The following FHIP2A variants were observed in gnomAD, a reference collection of about 807,000 sequenced individuals.
The protein encoded by FHIP2A is family with sequence similarity 160 member B1.
A neutral mutation model predicts 93.5 loss-of-function variants in FHIP2A; 46 were observed. That is an observed-to-expected ratio of 0.49 (90% CI 0.39 to 0.63). The LOEUF is 0.63. Among genes scored for constraint, FHIP2A ranks in the 20% least tolerant of loss-of-function variants. FHIP2A has a pLI of 0.00. For synonymous variants in FHIP2A, 332 were observed against 326.5 expected, an observed-to-expected ratio of 1.02 and a Z score of -0.18; for missense variants, 769 against 909.7, an observed-to-expected ratio of 0.85 and a Z score of 1.99.
At chr10:114,850,082 T>C (rs917437359) in intron 13 of FHIP2A, among the ~76,000 whole-genome samples, 5 of 152,232 alleles carry the variant, frequency 3.3e-5, no homozygotes, top group Non-Finnish European at 7.3e-5. Context: ...ATATTCCTTT[T>C]TTGTTGAATA....
chr10:114,884,976 T>C (rs928452238), intron 16 of FHIP2A, among the ~76,000 whole-genome samples: 8 of 151,296 alleles, frequency 5.3e-5, no homozygotes, highest in East Asian at 1.9e-4. Context: ...AGGGTAAGAA[T>C]GCAATAAACA....
rs2083635860 is a variant in FHIP2A at position 114,836,172 on chromosome 10, G to C, written c.448G>C (p.Glu150Gln). 1 of 1,603,714 alleles carries C rather than the reference G, an allele frequency of 6.2e-7. No homozygotes were observed. Residue 150 changes from glutamate to glutamine, a missense_variant, in exon 5 of 17, where the codon GAA becomes CAA. Coordinates refer to ENST00000369248, the MANE Select transcript of FHIP2A (RefSeq NM_020940.4). ...AGTCCTAGCAACACCAACAGAAAATGAAGAGATTCAGTTTCTTTGCATTGT... is the reference window on the plus strand; with the variant it reads ...AGTCCTAGCAACACCAACAGAAAATCAAGAGATTCAGTTTCTTTGCATTGT... ...GEVLATPTEN[E>Q]EIQFLCIVCA...
chr10:114,847,884 TTACAGTCGCATGGCTAC>T (rs1330591464), intron 12 of FHIP2A, among the ~76,000 whole-genome samples: 1 of 151,986 alleles, frequency 6.6e-6, no homozygotes, highest in Non-Finnish European at 1.5e-5. Flanking sequence ...GTAGCTGGGA[TTACAGTCGCATGGCTAC>T]TACGACTTGA....
intron 14 of FHIP2A, among the ~76,000 whole-genome samples, chr10:114,857,339 C>CT (rs971095516): frequency 2.7e-5 from 2 of 73,074 alleles, no homozygotes; most frequent in African/African-American, 8.7e-5. Flanking sequence ...GAGACCGAGT[C>CT]TCGCTCTGTC....
chr10:114,835,525 T>C lies in FHIP2A; in HGVS notation c.295-12T>C, dbSNP rs1021472669. ...TTGTTTTCCTGTTGGCTTCCTTTTT[T>C]CCTATACCCAGTGTCCTCCGGGAAT... is the stretch of plus-strand genomic sequence containing the variant. On this transcript the variant is annotated splice_polypyrimidine_tract_variant and intron_variant, in intron 3 of 16. Transcript: ENST00000369248. 6 of 1,558,598 alleles carry C rather than the reference T, an allele frequency of 3.8e-6. No individual in the cohort carries two copies. In the African/African-American group the frequency reaches 8.2e-5, roughly 21 times the overall value.
chr10:114,881,617 G>C (rs2083917427), intron 16 of FHIP2A, among the ~76,000 whole-genome samples: 1 of 152,080 alleles, frequency 6.6e-6, no homozygotes, highest in Non-Finnish European at 1.5e-5. Context: ...TGGGATGTAA[G>C]GAACTTCAGA....
At chr10:114,836,438 G>A (rs117774609) in intron 5 of FHIP2A, among the ~76,000 whole-genome samples, 192 bp downstream of exon 5, 207 of 152,230 alleles carry the variant, frequency 1.4e-3, no homozygotes, top group Non-Finnish European at 2.3e-3. Context: ...GAATGCAGTT[G>A]AGCCAGATAT....
intron 16 of FHIP2A, among the ~76,000 whole-genome samples, chr10:114,897,145 T>C (rs1181847907): frequency 1.3e-5 from 2 of 152,266 alleles, no homozygotes; most frequent in Non-Finnish European, 2.9e-5. Context: ...CATAGCCTGT[T>C]CCTCTTCCAT....
intron 3 of FHIP2A, 116 bp downstream of exon 3, chr10:114,833,518 C>T: frequency 2.0e-6 from 2 of 1,022,822 alleles, no homozygotes; most frequent in Non-Finnish European, 2.9e-6. Flanking sequence ...TGGCAGGATT[C>T]AAGTTAAGAT....
chr10:114,860,869 C>T lies in FHIP2A; in HGVS notation c.2068C>T (p.Leu690Phe), dbSNP rs1198852781. The T allele has an allele frequency of 3.7e-6, 6 of 1,613,692 alleles. No homozygotes were observed. The highest frequency in any genetic ancestry group is 1.3e-5 in the African/African-American group (1 of 74,990). Residue 690 changes from leucine (L) to phenylalanine (F), a missense_variant, in exon 15 of 17, where the codon CTC becomes TTC. Transcript: ENST00000369248. Reference sequence around the variant, plus strand: ...GAACCTCGCTCCTGGCTGTAGATCTCTCTTCTCTGTAATTGTCAGGGTGAG... The same window carrying T: ...GAACCTCGCTCCTGGCTGTAGATCTTTCTTCTCTGTAATTGTCAGGGTGAG... Reference protein sequence around the residue: ...YVNLAPGCRSLFSVIVRVVGD... With the variant: ...YVNLAPGCRSFFSVIVRVVGD...
chr10:114,840,084 G>C (rs1029907548), intron 5 of FHIP2A, among the ~76,000 whole-genome samples: 1 of 151,698 alleles, frequency 6.6e-6, no homozygotes, highest in African/African-American at 2.4e-5. Context: ...AAGTCTTCCT[G>C]GAAGAGGTCA....
chr10:114,861,389 C>T (rs371713820), intron 16 of FHIP2A, 46 bp from the exon 17 acceptor site: 35 of 1,613,618 alleles, frequency 2.2e-5, no homozygotes, highest in Non-Finnish European at 2.6e-5. Flanking sequence ...ACTTAATGAT[C>T]GGCTGCTATC....
chr10:114,841,973 G>A (rs2083671448), intron 5 of FHIP2A, among the ~76,000 whole-genome samples: 1 of 152,112 alleles, frequency 6.6e-6, no homozygotes, highest in Admixed American at 6.6e-5. Context: ...GTGGATTGGG[G>A]GAGGGAGCAC....
intron 5 of FHIP2A, among the ~76,000 whole-genome samples, chr10:114,837,017 T>A (rs2083639991): frequency 6.6e-6 from 1 of 152,154 alleles, no homozygotes; most frequent in Non-Finnish European, 1.5e-5. Flanking sequence ...TCCTCTTACC[T>A]TAGCCTACCA....
Position 114,862,787 on chromosome 10 carries a change from C to G in FHIP2A, c.*1247C>G. 4 of 985,386 alleles carry G rather than the reference C, an allele frequency of 4.1e-6. No individual in the cohort carries two copies. Among genetic ancestry groups the G allele is most frequent in the Non-Finnish European group, 4.8e-6 (4 of 829,918 alleles). The allele number at this position is 985,386 out of a possible 1,614,324, so 61.0% of individuals were successfully genotyped here. A position where few individuals can be genotyped will look rare whatever the true frequency, so the allele number is the denominator to read the frequency against. Reference sequence around the variant, plus strand: ...TAAGCTATTGTTTGTTTTTATTTGACATGTTAAGCCGCAGCACTTTCTTCT... The same window carrying G: ...TAAGCTATTGTTTGTTTTTATTTGAGATGTTAAGCCGCAGCACTTTCTTCT... On this transcript the variant is annotated 3_prime_UTR_variant, in exon 17 of 17. Coordinates refer to ENST00000369248, the MANE Select transcript of FHIP2A (RefSeq NM_020940.4).
At chr10:114,858,133 T>C (rs1229705360) in intron 14 of FHIP2A, among the ~76,000 whole-genome samples, 1 of 152,216 alleles carries the variant, frequency 6.6e-6, no homozygotes, top group Non-Finnish European at 1.5e-5. Context: ...TTGCTTTCCT[T>C]TCAGGTAAAT....
chr10:114,843,177 A>G lies in FHIP2A; in HGVS notation c.767A>G (p.Asn256Ser). 6.2e-7 allele frequency: 1 copy of G among 1,614,062 alleles called. No individual in the cohort carries two copies. Among genetic ancestry groups the G allele is most frequent in the Non-Finnish European group, 8.5e-7 (1 of 1,179,978 alleles). ...CCAGAGGCCTCGGTTGTTTGTCCAA[A>G]TCAGGATTACAATTTAGTGAATTCT... is the stretch of plus-strand genomic sequence containing the variant. The part of the protein sequence containing the change: ...SLPEASVVCP[N>S]QDYNLVNSLL... Residue 256 changes from asparagine (N) to serine (S), a missense_variant, in exon 6 of 17, where the codon AAT becomes AGT. By Grantham distance (46) the Asn-to-Ser change is conservative. Coordinates refer to ENST00000369248, the MANE Select transcript of FHIP2A (RefSeq NM_020940.4).
At chr10:114,859,393 T>C (rs2083784659) in intron 14 of FHIP2A, among the ~76,000 whole-genome samples, 1 of 152,224 alleles carries the variant, frequency 6.6e-6, no homozygotes, top group Non-Finnish European at 1.5e-5. Context: ...TCATTGCTAT[T>C]CACTGTGATC....
intron 5 of FHIP2A, among the ~76,000 whole-genome samples, chr10:114,839,907 G>T (rs956772586): frequency 2.1e-5 from 3 of 142,492 alleles, no homozygotes; most frequent in Non-Finnish European, 4.6e-5. Flanking sequence ...AAAAAGAAAA[G>T]AAACAGTCTT....
Sources: gnomAD v4.1 joint callset for allele counts (sites outside exome capture counted in the v4.1 genomes callset) on GRCh38, gnomAD v4.1.1 for gene constraint, MANE v1.5 for transcripts, NCBI Gene and HGNC (gene_info 2026-07-23, HGNC 2026-07-21) for gene names.